Variants in CCNY observed in about 807,000 individuals in gnomAD.
CCNY encodes the protein cyclin-Y.
Under a neutral mutation model 42.8 loss-of-function variants are expected in CCNY, and 19 were observed. The ratio of observed to expected loss-of-function variants is 0.44; its 90% CI spans 0.31 to 0.65. The LOEUF (loss-of-function observed/expected upper bound fraction) is 0.65, where lower values mean the gene tolerates loss of function less well. Ranked by LOEUF, CCNY falls within the 30% of genes least tolerant of loss-of-function variation. CCNY has a pLI of 0.07. For synonymous variants in CCNY, 165 were observed against 162.7 expected (o/e 1.01, Z -0.11); for missense variants, 370 against 437.3 (o/e 0.85, Z 1.37).
chr10:35,335,369 GTT>G (rs1402704575), upstream of CCNY, among the ~76,000 whole-genome samples: 4 of 151,982 alleles, frequency 2.6e-5, no homozygotes, highest in African/African-American at 9.7e-5. Context: ...GATGAGTTGT[GTT>G]AACTTAGTTT....
At chr10:35,521,771 C>G (rs1173437149) in intron 4 of CCNY, among the ~76,000 whole-genome samples, 1 of 152,174 alleles carries the variant, frequency 6.6e-6, no homozygotes, top group Non-Finnish European at 1.5e-5. Context: ...ACCCCGTTCA[C>G]TGCCAGCATG....
chr10:35,348,603 C>T (rs950685991), intron 1 of CCNY, among the ~76,000 whole-genome samples: 3 of 152,200 alleles, frequency 2.0e-5, no homozygotes, highest in Admixed American at 6.5e-5. Flanking sequence ...CAGGAGCCCC[C>T]GTCCAGGGTG....
chr10:35,571,983 A>G lies in CCNY; in HGVS notation c.*2813A>G, dbSNP rs1290944311. The stretch of plus-strand genomic sequence containing the variant: ...TTCTTATTTTTTTTTTTTTAACTAG[A>G]AAAAGGGAAAGAAGAAGTCAGGAGT... On this transcript the variant is annotated 3_prime_UTR_variant, in exon 10 of 10. Coordinates refer to ENST00000374704, the MANE Select transcript of CCNY (RefSeq NM_145012.6). 2 of 151,672 alleles carry G rather than the reference A, an allele frequency of 1.3e-5. No individual in the cohort carries two copies. Among genetic ancestry groups the G allele is most frequent in the African/African-American group, 2.4e-5 (1 of 41,306 alleles). 9.4% of individuals were successfully genotyped at this position (151,672 alleles called of 1,614,324 possible). A position where few individuals can be genotyped will look rare whatever the true frequency, so the allele number is the denominator to read the frequency against.
At chr10:35,481,094 T>C (rs1012067357) in intron 1 of CCNY, among the ~76,000 whole-genome samples, 2 of 152,202 alleles carry the variant, frequency 1.3e-5, no homozygotes, top group Non-Finnish European at 2.9e-5. Flanking sequence ...ACACATATTT[T>C]CCCCCAAAAG....
chr10:35,570,342 C>G lies in CCNY; in HGVS notation c.*1172C>G, dbSNP rs1841662677. The G allele has an allele frequency of 6.6e-6, 1 of 152,248 alleles. No individual in the cohort carries two copies. Among genetic ancestry groups the G allele is most frequent in the Admixed American group, 6.5e-5 (1 of 15,284 alleles). 9.4% of individuals were successfully genotyped at this position (152,248 alleles called of 1,614,324 possible). A position where few individuals can be genotyped will look rare whatever the true frequency, so the allele number is the denominator to read the frequency against. ...AATGATTGAATTAAAAAAAACTCAA[C>G]TTGCATTTTCATTGTGGGTGCTTAG... On this transcript the variant is annotated 3_prime_UTR_variant, in exon 10 of 10. Coordinates refer to ENST00000374704, the MANE Select transcript of CCNY (RefSeq NM_145012.6).
In CCNY at chr10:35,452,246, G is replaced by C. The variant is rs147493409; in HGVS notation, c.155-31158G>C. 3.5e-3 allele frequency among the ~76,000 whole-genome samples: 531 copies of C among 152,294 alleles called. 5 individuals carry two copies. Among genetic ancestry groups the C allele is most frequent in the African/African-American group, 0.013 (520 of 41,564 alleles). ...GTAGTTTATACTGCATTCCACACTT[G>C]AGGCTCAAGTGATTGGAGTGATTTC... On this transcript the variant is annotated intron_variant, in intron 1 of 9. Coordinates refer to ENST00000374704, the MANE Select transcript of CCNY (RefSeq NM_145012.6).
At chr10:35,500,675 C>G (rs1321666238) in intron 2 of CCNY, among the ~76,000 whole-genome samples, 3 of 152,162 alleles carry the variant, frequency 2.0e-5, no homozygotes, top group Non-Finnish European at 4.4e-5. Context: ...CAAAATGAGC[C>G]TTCAGAAAAG....
At chr10:35,433,438 G>A (rs1338453892) in intron 1 of CCNY, among the ~76,000 whole-genome samples, 1 of 151,946 alleles carries the variant, frequency 6.6e-6, no homozygotes, top group Non-Finnish European at 1.5e-5. Flanking sequence ...GTAGTTATTT[G>A]ACAGGTTCTT....
intron 1 of CCNY, among the ~76,000 whole-genome samples, chr10:35,389,579 A>G (rs867178953): frequency 2.0e-5 from 3 of 151,542 alleles, no homozygotes; most frequent in Middle Eastern, 3.4e-3. Flanking sequence ...AGCTGGGATT[A>G]CAGGCGCCTG....
intron 1 of CCNY, among the ~76,000 whole-genome samples, chr10:35,465,512 C>T (rs1243166872): frequency 6.6e-6 from 1 of 152,184 alleles, no homozygotes; most frequent in Non-Finnish European, 1.5e-5. Flanking sequence ...GAGATGTCAT[C>T]AGTGGTTTGT....
chr10:35,344,644 A>G (rs1836259937), intron 1 of CCNY, among the ~76,000 whole-genome samples: 1 of 152,134 alleles, frequency 6.6e-6, no homozygotes, highest in Non-Finnish European at 1.5e-5. Context: ...TTACATATGT[A>G]TACATGTGCC....
At chr10:35,566,555 C>G (rs1295558724) in intron 9 of CCNY, among the ~76,000 whole-genome samples, 2 of 152,172 alleles carry the variant, frequency 1.3e-5, no homozygotes, top group Non-Finnish European at 2.9e-5. Flanking sequence ...GTTGGCCAGG[C>G]TGGTCTCAAA....
chr10:35,483,288 T>C, intron 1 of CCNY, 116 bp from the exon 2 acceptor site: 1 of 689,788 alleles, frequency 1.4e-6, no homozygotes, highest in Non-Finnish European at 2.6e-6. Flanking sequence ...TAGCTATAGG[T>C]TTCCAGAATC....
intron 1 of CCNY, among the ~76,000 whole-genome samples, chr10:35,394,519 T>C (rs1338921544): frequency 6.6e-6 from 1 of 152,178 alleles, no homozygotes; most frequent in Non-Finnish European, 1.5e-5. Flanking sequence ...TTGATTGGCT[T>C]AAGATCCTAT....
intron 3 of CCNY, among the ~76,000 whole-genome samples, chr10:35,330,575 G>C (rs557744497): frequency 6.6e-6 from 1 of 152,062 alleles, no homozygotes; most frequent in African/African-American, 2.4e-5. Flanking sequence ...ATACAACTTG[G>C]GAATTCAAAA....
At chr10:35,520,236 G>T (rs563528194) in intron 4 of CCNY, among the ~76,000 whole-genome samples, 1 of 152,128 alleles carries the variant, frequency 6.6e-6, no homozygotes, top group Non-Finnish European at 1.5e-5. Flanking sequence ...TCAGCTAGAG[G>T]GTTGACAATA....
chr10:35,429,362 A>C (rs1838335907), intron 1 of CCNY, among the ~76,000 whole-genome samples: 1 of 152,366 alleles, frequency 6.6e-6, no homozygotes, highest in South Asian at 2.1e-4. Context: ...TTGTTATCTT[A>C]AAATGAATAA....
chr10:35,425,318 T>G (rs1271920151), intron 1 of CCNY, among the ~76,000 whole-genome samples: 1 of 152,188 alleles, frequency 6.6e-6, no homozygotes, highest in African/African-American at 2.4e-5. Context: ...TGTATTAGAT[T>G]AAAAAATTGG....
chr10:35,305,907 G>T (rs892573160), intron 3 of CCNY, among the ~76,000 whole-genome samples: 3 of 152,052 alleles, frequency 2.0e-5, no homozygotes, highest in Non-Finnish European at 4.4e-5. Flanking sequence ...CATTAGAGTG[G>T]GTTTCATTTC....
Sources: allele counts gnomAD v4.1 joint callset (sites outside exome capture counted in the v4.1 genomes callset), GRCh38; gene constraint gnomAD v4.1.1; transcripts MANE v1.5; gene names NCBI Gene and HGNC (gene_info 2026-07-23, HGNC 2026-07-21).